Variants in GALNTL6 observed in about 807,000 individuals in gnomAD.
GALNTL6 encodes polypeptide N-acetylgalactosaminyltransferase-like 6.
A neutral mutation model predicts 73.7 loss-of-function variants in GALNTL6; 46 were observed. The observed-to-expected ratio is 0.62, with a 90% CI of 0.49 to 0.80. The LOEUF (loss-of-function observed/expected upper bound fraction) is 0.80. Among genes scored for constraint, GALNTL6 ranks in the 30% least tolerant of loss-of-function variants. The pLI is 0.00. For synonymous variants in GALNTL6, 259 were observed against 263.7 expected (o/e 0.98, Z 0.17); for missense variants, 604 against 755.0 (o/e 0.80, Z 2.34).
At chr4:172,881,610 A>G (rs1166330817) in intron 7 of GALNTL6, among the ~76,000 whole-genome samples, 1 of 152,168 alleles carries the variant, frequency 6.6e-6, no homozygotes, top group Admixed American at 6.6e-5. Context: ...TTGTTCAATA[A>G]ATTGGATTGG....
Position 171,843,025 on chromosome 4 carries a change from T to C in GALNTL6, c.138+28307T>C, listed in dbSNP as rs996294532. ...GATTGGTAACAACATCCTAGTTAGA[T>C]CGTGCACTTTTTAGACCATTTTTCT... On this transcript the variant is annotated intron_variant, in intron 2 of 12. Transcript: ENST00000506823. Among the ~76,000 whole-genome samples the C allele has an allele frequency of 4.6e-5, 7 of 152,154 alleles. No individual in the cohort carries two copies. The East Asian group carries it at 7.7e-4, about 17-fold the overall frequency.
At chr4:172,826,504 C>T (rs188911543) in intron 7 of GALNTL6, among the ~76,000 whole-genome samples, 2 of 152,322 alleles carry the variant, frequency 1.3e-5, no homozygotes, top group African/African-American at 4.8e-5. Context: ...TTCCAAACCA[C>T]GGGAAAGCAG....
intron 2 of GALNTL6, among the ~76,000 whole-genome samples, chr4:171,988,424 C>T (rs1740187819): frequency 6.6e-6 from 1 of 152,138 alleles, no homozygotes; most frequent in African/African-American, 2.4e-5. Context: ...AGGTAATTTG[C>T]TGAGCCTAAT....
chr4:171,883,674 G>A (rs1177915144), intron 2 of GALNTL6, among the ~76,000 whole-genome samples: 1 of 150,252 alleles, frequency 6.7e-6, no homozygotes, highest in Non-Finnish European at 1.5e-5. Context: ...TTGAGATAGA[G>A]TCTCGCTCTG....
intron 2 of GALNTL6, among the ~76,000 whole-genome samples, chr4:172,038,701 C>A (rs911484101): frequency 6.6e-6 from 1 of 152,180 alleles, no homozygotes; most frequent in Non-Finnish European, 1.5e-5. Context: ...AAACAGTCAG[C>A]AAAGCCTGCA....
chr4:172,704,254 T>C (rs1001309986), intron 5 of GALNTL6, among the ~76,000 whole-genome samples: 3 of 151,912 alleles, frequency 2.0e-5, no homozygotes. Context: ...TATGCTCGTT[T>C]TTCTAGTTTT....
intron 5 of GALNTL6, among the ~76,000 whole-genome samples, chr4:172,385,300 A>G (rs1469467697): frequency 1.3e-5 from 2 of 151,882 alleles, no homozygotes; most frequent in African/African-American, 4.8e-5. Context: ...CGTGGTTTCT[A>G]GTGCTGTTTA....
chr4:172,769,154 G>A (rs1738613712), intron 5 of GALNTL6, among the ~76,000 whole-genome samples: 2 of 152,076 alleles, frequency 1.3e-5, no homozygotes, highest in African/African-American at 4.8e-5. Flanking sequence ...TCATCTGGCA[G>A]TCTCATAATC....
intron 3 of GALNTL6, among the ~76,000 whole-genome samples, chr4:172,273,095 G>A (rs1503683): frequency 0.64 from 98,076 of 152,114 alleles, 33,611 homozygotes; most frequent in African/African-American, 0.9. Flanking sequence ...TTAAACTAAT[G>A]TTCCTTATCC....
intron 2 of GALNTL6, among the ~76,000 whole-genome samples, chr4:171,996,953 G>A (rs1560877517): frequency 1.3e-5 from 2 of 152,042 alleles, no homozygotes; most frequent in South Asian, 2.1e-4. Flanking sequence ...GTCTCTGATT[G>A]GACAGAGGCA....
intron 7 of GALNTL6, among the ~76,000 whole-genome samples, chr4:172,831,353 A>G (rs1357720286): frequency 6.6e-6 from 1 of 152,010 alleles, no homozygotes; most frequent in Non-Finnish European, 1.5e-5. Flanking sequence ...AGATGCATAA[A>G]CACCCGCAAC....
In GALNTL6 at chr4:172,892,822, A is replaced by T. The variant is rs529544624; in HGVS notation, c.1041+9915A>T. Among the ~76,000 whole-genome samples, 168 of 152,148 alleles carry T rather than the reference A, an allele frequency of 1.1e-3. 1 individual carries two copies. Among genetic ancestry groups the T allele is most frequent in the African/African-American group, 3.9e-3 (163 of 41,522 alleles). The stretch of plus-strand genomic sequence containing the variant: ...CCATGATTTCTTAGTCTCAAGCGAA[A>T]CGCTGGCAAACTGCTTTCCCTCCTC... On this transcript the variant is annotated intron_variant, in intron 8 of 12. Transcript: ENST00000506823.
At chr4:172,852,840 C>G (rs995125495) in intron 7 of GALNTL6, among the ~76,000 whole-genome samples, 1 of 152,008 alleles carries the variant, frequency 6.6e-6, no homozygotes, top group African/African-American at 2.4e-5. Flanking sequence ...TGATATAAGT[C>G]CAGTTGCACC....
chr4:172,784,514 C>A (rs1739545937), intron 5 of GALNTL6, among the ~76,000 whole-genome samples: 1 of 152,016 alleles, frequency 6.6e-6, no homozygotes, highest in Non-Finnish European at 1.5e-5. Context: ...GGTCAAAAGT[C>A]TAGAATGGGT....
chr4:172,340,106 T>C (rs1239686070), intron 4 of GALNTL6, among the ~76,000 whole-genome samples: 1 of 152,206 alleles, frequency 6.6e-6, no homozygotes, highest in Non-Finnish European at 1.5e-5. Flanking sequence ...TTTTTCATAA[T>C]TGCATATAAT....
intron 5 of GALNTL6, among the ~76,000 whole-genome samples, chr4:172,644,259 G>A (rs1740124531): frequency 1.3e-5 from 2 of 151,106 alleles, no homozygotes; most frequent in South Asian, 4.2e-4. Flanking sequence ...ATGTATATGT[G>A]TGTATGAATG....
At position 171,991,732 on chromosome 4, in the gene GALNTL6, A is replaced by G. The variant is rs112211189; in HGVS notation, c.138+177014A>G. On this transcript the variant is annotated intron_variant, in intron 2 of 12. Coordinates refer to ENST00000506823, the MANE Select transcript of GALNTL6 (RefSeq NM_001034845.3). ...ATTATATGTGTGTGTGTGTGTGTGT[A>G]TATATATATATATATATATATATAC... Among the ~76,000 whole-genome samples, 672 of 89,480 alleles carry G rather than the reference A, an allele frequency of 7.5e-3. 4 individuals carry two copies. Among genetic ancestry groups the G allele is most frequent in the African/African-American group, 0.017 (191 of 11,260 alleles). 58.7% of individuals were successfully genotyped at this position (89,480 alleles called of 152,430 possible). A position where few individuals can be genotyped will look rare whatever the true frequency, so the allele number is the denominator to read the frequency against.
At chr4:172,223,628 A>G (rs1736759568) in intron 2 of GALNTL6, among the ~76,000 whole-genome samples, 1 of 152,100 alleles carries the variant, frequency 6.6e-6, no homozygotes, top group Non-Finnish European at 1.5e-5. Context: ...GTTTGAATAA[A>G]TGAATAATGG....
intron 2 of GALNTL6, among the ~76,000 whole-genome samples, chr4:171,886,562 G>T (rs1263356799): frequency 6.6e-6 from 1 of 152,078 alleles, no homozygotes; most frequent in Non-Finnish European, 1.5e-5. Flanking sequence ...CCTGAGACTG[G>T]GCAATTTACA....
Sources: gnomAD v4.1 joint callset for allele counts (sites outside exome capture counted in the v4.1 genomes callset) on GRCh38, gnomAD v4.1.1 for gene constraint, MANE v1.5 for transcripts, NCBI Gene and HGNC (gene_info 2026-07-23, HGNC 2026-07-21) for gene names.